The following ENPP3 variants were observed in gnomAD, a reference collection of about 807,000 sequenced individuals.
ENPP3 encodes ectonucleotide pyrophosphatase/phosphodiesterase family member 3.
ENPP3 carries 104 observed loss-of-function variants against 117.8 expected under a neutral mutation model. The ratio of observed to expected loss-of-function variants is 0.88; its 90% CI spans 0.75 to 1.04. The LOEUF (loss-of-function observed/expected upper bound fraction) is 1.04, where lower values mean the gene tolerates loss of function less well. Among genes scored for constraint, ENPP3 ranks in the 50% least tolerant of loss-of-function variants. The probability of loss-of-function intolerance (pLI) is 0.00; values close to 1 mark genes in which losing one functional copy is unlikely to be tolerated. For synonymous variants in ENPP3, 380 were observed against 349.9 expected (o/e 1.09, Z -0.96); for missense variants, 1,026 against 1,051.9 (o/e 0.98, Z 0.34).
At chr6:131,668,299 G>A (rs1254366306) in intron 6 of ENPP3, among the ~76,000 whole-genome samples, 4 of 133,270 alleles carry the variant, frequency 3.0e-5, no homozygotes, top group African/African-American at 1.2e-4. Flanking sequence ...TGTAACCTCC[G>A]CTTCTCGGGT....
At chr6:131,648,916 T>C (rs912247928) in intron 2 of ENPP3, among the ~76,000 whole-genome samples, 72 of 152,300 alleles carry the variant, frequency 4.7e-4, no homozygotes, top group African/African-American at 1.7e-3. Context: ...AGTTTATGTC[T>C]CTCTTTCCTG....
chr6:131,674,346 T>G (rs1778818541), intron 8 of ENPP3, 65 bp downstream of exon 8: 2 of 1,515,928 alleles, frequency 1.3e-6, no homozygotes, highest in African/African-American at 2.7e-5. Context: ...AGGAGGACAC[T>G]CTTCTCACTC....
chr6:131,680,635 T>C (rs1779004078), intron 11 of ENPP3, among the ~76,000 whole-genome samples: 1 of 152,212 alleles, frequency 6.6e-6, no homozygotes, highest in Non-Finnish European at 1.5e-5. Flanking sequence ...TTCTTAATTA[T>C]TATTGTTAGT....
intron 11 of ENPP3, among the ~76,000 whole-genome samples, chr6:131,681,241 A>G (rs538579732): frequency 2.6e-4 from 39 of 152,314 alleles, no homozygotes; most frequent in African/African-American, 7.7e-4. Context: ...TCTGTCCCTT[A>G]TTAACTGAAG....
At chr6:131,662,625 G>T (rs183178600) in intron 6 of ENPP3, among the ~76,000 whole-genome samples, 1 of 152,220 alleles carries the variant, frequency 6.6e-6, no homozygotes, top group African/African-American at 2.4e-5. Context: ...AATATATTTT[G>T]AAATCAGGAG....
chr6:131,741,977 G>A (rs1027215830), intron 24 of ENPP3, among the ~76,000 whole-genome samples: 2 of 152,144 alleles, frequency 1.3e-5, no homozygotes, highest in African/African-American at 4.8e-5. Context: ...GATAAGTGAT[G>A]TAAGAGAGGG....
chr6:131,735,513 G>A (rs942847877), intron 21 of ENPP3, among the ~76,000 whole-genome samples: 1 of 151,962 alleles, frequency 6.6e-6, no homozygotes, highest in Non-Finnish European at 1.5e-5. Context: ...CCACCTACTC[G>A]GGAGGCTGAG....
At chr6:131,671,353 C>G (rs1562441242) in intron 7 of ENPP3, 26 bp downstream of exon 7, 1 of 1,397,438 alleles carries the variant, frequency 7.2e-7, no homozygotes, top group Non-Finnish European at 1.0e-6. Context: ...AGTGGTAAGA[C>G]AGGCCAAAGA....
At position 131,693,607 on chromosome 6, in the gene ENPP3, A is replaced by G. The variant is rs368181463; in HGVS notation, c.1395A>G (p.Gln465=). Residue 465 remains glutamine (Q), a synonymous_variant, in exon 15 of 25, where the codon CAA becomes CAG. Coordinates refer to ENST00000357639, the MANE Select transcript of ENPP3 (RefSeq NM_005021.5). ...RIDKVHLFVD[Q]QWLAVRSKSN... is the part of the protein sequence containing the mutation. ...ACAAAGTTCATCTCTTTGTGGATCA[A>G]CAGTGGCTGGCTGTTAGGTTCGTGT... is the stretch of plus-strand genomic sequence containing the variant. The G allele has an allele frequency of 1.9e-6, 3 of 1,613,640 alleles. No individual in the cohort carries two copies. The Admixed American group carries it at 5.0e-5, about 27-fold the overall frequency.
At position 131,693,118 on chromosome 6, in the gene ENPP3, T is replaced by TAC. The variant is rs553322229; in HGVS notation, c.1285-362_1285-361dup. Among the ~76,000 whole-genome samples the TAC allele has an allele frequency of 1.3e-3, 191 of 144,322 alleles. 3 individuals are homozygous for TAC. The highest frequency in any genetic ancestry group is 5.2e-3 in the Admixed American group (73 of 14,018). The allele number at this position is 144,322 out of a possible 152,430, so 94.7% of individuals were successfully genotyped here. ...ATTATATATTATATATATGGTTATA[T>TAC]ACACACACACACACACACCCCCAGG... On this transcript the variant is annotated intron_variant, in intron 14 of 24. Transcript: ENST00000357639.
Position 131,674,160 on chromosome 6 carries a change from A to G in ENPP3, c.643-2A>G, listed in dbSNP as rs1404337911. 2.6e-6 allele frequency: 4 copies of G among 1,515,330 alleles called. No homozygotes were observed. The highest frequency in any genetic ancestry group is 3.6e-6 in the Non-Finnish European group (4 of 1,096,088). The allele number at this position is 1,515,330 out of a possible 1,614,324, so 93.9% of individuals were successfully genotyped here. ...ACATCTTTTTTGAAATTATCATTTTAGGGCTTGTATCCAGAGTCACATGGC... is the reference window on the plus strand; with the variant it reads ...ACATCTTTTTTGAAATTATCATTTTGGGGCTTGTATCCAGAGTCACATGGC... On this transcript the variant is annotated splice_acceptor_variant, in intron 7 of 24. Coordinates refer to ENST00000357639, the MANE Select transcript of ENPP3 (RefSeq NM_005021.5). LOFTEE classifies it high-confidence loss of function.
intron 20 of ENPP3, among the ~76,000 whole-genome samples, chr6:131,731,785 T>C (rs1363004225): frequency 6.6e-6 from 1 of 152,242 alleles, no homozygotes; most frequent in African/African-American, 2.4e-5. Flanking sequence ...CACGTTATTA[T>C]TTATCTGATT....
chr6:131,735,153 G>C (rs1435984110), intron 21 of ENPP3, among the ~76,000 whole-genome samples: 1 of 150,414 alleles, frequency 6.6e-6, no homozygotes. Flanking sequence ...GACCAGACTG[G>C]GCAACATAGT....
At chr6:131,654,386 C>T (rs1449687592) in intron 5 of ENPP3, among the ~76,000 whole-genome samples, 1 of 152,082 alleles carries the variant, frequency 6.6e-6, no homozygotes, top group South Asian at 2.1e-4. Flanking sequence ...ACTGATCCTC[C>T]TGCCTTGGCT....
intron 20 of ENPP3, among the ~76,000 whole-genome samples, chr6:131,732,854 A>G (rs1585731235): frequency 6.6e-6 from 1 of 151,148 alleles, no homozygotes; most frequent in East Asian, 2.0e-4. Context: ...CTCAGCCTCC[A>G]GAGTAGCTGG....
chr6:131,671,439 T>G, intron 7 of ENPP3, 112 bp downstream of exon 7: 1 of 701,306 alleles, frequency 1.4e-6, no homozygotes, highest in Non-Finnish European at 2.5e-6. Flanking sequence ...CTGAAGCACA[T>G]GGGGGGATAG....
chr6:131,684,431 G>A (rs374258929), intron 12 of ENPP3, among the ~76,000 whole-genome samples: 67 of 152,206 alleles, frequency 4.4e-4, no homozygotes, highest in African/African-American at 1.5e-3. Flanking sequence ...TGTAATCCCC[G>A]CACTTTAGGA....
intron 15 of ENPP3, among the ~76,000 whole-genome samples, chr6:131,699,235 CAAAAAAAAAA>C (rs4053087): frequency 9.3e-6 from 1 of 107,976 alleles, no homozygotes; most frequent in Admixed American, 9.9e-5. Flanking sequence ...AAGACTGTCT[CAAAAAAAAAA>C]AAAAAAAAAA....
At chr6:131,658,272 G>A in intron 5 of ENPP3, 51 bp from the exon 6 acceptor site, 1 of 959,138 alleles carries the variant, frequency 1.0e-6, no homozygotes, top group Admixed American at 1.7e-5. Context: ...ATGCTTTTGA[G>A]GTAAATGTAG....
Sources: allele counts gnomAD v4.1 joint callset (sites outside exome capture counted in the v4.1 genomes callset), GRCh38; gene constraint gnomAD v4.1.1; transcripts MANE v1.5; gene names NCBI Gene and HGNC (gene_info 2026-07-23, HGNC 2026-07-21).